DCAF12: variants seen among roughly 807,000 people sequenced by gnomAD.
DCAF12 encodes DDB1- and CUL4-associated factor 12.
Under a neutral mutation model 52.8 loss-of-function variants are expected in DCAF12, and 28 were observed. The observed-to-expected ratio is 0.53, with a 90% confidence interval of 0.39 to 0.73. DCAF12 has a LOEUF of 0.73. Ranked by LOEUF, DCAF12 falls within the 30% of genes least tolerant of loss-of-function variation. DCAF12 has a pLI of 0.00. For synonymous variants in DCAF12, 196 were observed against 215.5 expected, an observed-to-expected ratio of 0.91 and a Z score of 0.79; for missense variants, 425 against 552.2, an observed-to-expected ratio of 0.77 and a Z score of 2.31.
At chr9:34,089,647 T>TG in intron 7 of DCAF12, 57 bp from the exon 8 acceptor site, 1 of 1,508,368 alleles carries the variant, frequency 6.6e-7, no homozygotes, top group Non-Finnish European at 8.9e-7. Flanking sequence ...GCTGACTGTC[T>TG]GCTAGCCTGA....
At chr9:34,097,256 C>CTTTTT (rs999860045) in intron 5 of DCAF12, among the ~76,000 whole-genome samples, 27 of 94,844 alleles carry the variant, frequency 2.8e-4, no homozygotes, top group African/African-American at 3.8e-4. Flanking sequence ...TCTGACACTG[C>CTTTTT]TTTTTTTTTT....
chr9:34,112,929 C>T (rs952417624), intron 2 of DCAF12, among the ~76,000 whole-genome samples: 20 of 152,086 alleles, frequency 1.3e-4, no homozygotes, highest in African/African-American at 4.1e-4. Flanking sequence ...ACAAATGATC[C>T]CTAACCAGAT....
chr9:34,098,549 G>A (rs1214790621), intron 4 of DCAF12, 32 bp from the exon 5 acceptor site: 17 of 1,596,268 alleles, frequency 1.1e-5, no homozygotes, highest in Non-Finnish European at 1.5e-5. Context: ...GATGTCAGAT[G>A]TACCCACCCC....
Position 34,088,211 on chromosome 9 carries a change from A to T in DCAF12, c.*139T>A. ...TTTCTGTACAGAGCTTCTTCCTATT[A>T]AGTGCCTAAACTATAGGCAAACTTT... On this transcript the variant is annotated 3_prime_UTR_variant, in exon 9 of 9. Transcript: ENST00000361264. 1.2e-6 allele frequency: 1 copy of T among 852,928 alleles called. No homozygotes were observed. The highest frequency in any genetic ancestry group is 1.7e-6 in the Non-Finnish European group (1 of 578,894). The allele number at this position is 852,928 out of a possible 1,614,324, so 52.8% of individuals were successfully genotyped here. A position where few individuals can be genotyped will look rare whatever the true frequency, so the allele number is the denominator to read the frequency against.
At chr9:34,118,624 A>G (rs745616853) in intron 2 of DCAF12, among the ~76,000 whole-genome samples, 4 of 152,270 alleles carry the variant, frequency 2.6e-5, no homozygotes, top group Non-Finnish European at 5.9e-5. Flanking sequence ...GACGGTAATT[A>G]CGTATCTGGT....
chr9:34,113,427 G>A (rs567010820), intron 2 of DCAF12, among the ~76,000 whole-genome samples: 1 of 151,828 alleles, frequency 6.6e-6, no homozygotes, highest in East Asian at 2.0e-4. Context: ...CGTGATCTTG[G>A]CTCCCGGGTT....
chr9:34,126,154 C>T (rs1407450544), intron 1 of DCAF12, among the ~76,000 whole-genome samples, 200 bp downstream of exon 1: 5 of 152,202 alleles, frequency 3.3e-5, no homozygotes, highest in African/African-American at 1.2e-4. Flanking sequence ...CCTGAGTTCC[C>T]CTTTGGCTCC....
In DCAF12 at chr9:34,088,063, ATG is replaced by A. The variant is rs146758921; in HGVS notation, c.*285_*286del. On this transcript the variant is annotated 3_prime_UTR_variant, in exon 9 of 9. Transcript: ENST00000361264. The stretch of plus-strand genomic sequence containing the variant: ...GCCTGAAGAAGCCAGAGACAGGAGA[ATG>A]TGTGTCACTTAAAGAAAAATAGGGA... The A allele has an allele frequency of 5.2e-3, 1,183 of 226,712 alleles. 6 individuals carry two copies. The highest frequency in any genetic ancestry group is 0.014 in the Middle Eastern group (9 of 626). The allele number at this position is 226,712 out of a possible 1,614,324, so 14.0% of individuals were successfully genotyped here.
intron 2 of DCAF12, among the ~76,000 whole-genome samples, chr9:34,117,012 G>A (rs893507634): frequency 6.6e-6 from 1 of 152,162 alleles, no homozygotes; most frequent in African/African-American, 2.4e-5. Flanking sequence ...ACGTGTCTGC[G>A]CTATGCCAAG....
At chr9:34,106,640 C>A (rs981706358) in intron 3 of DCAF12, 146 bp from the exon 4 acceptor site, 2 of 626,736 alleles carry the variant, frequency 3.2e-6, no homozygotes, top group African/African-American at 1.8e-5. Context: ...TGGTCTCAAC[C>A]CACAGAGAAT....
intron 2 of DCAF12, among the ~76,000 whole-genome samples, chr9:34,123,580 C>T (rs572418424): frequency 6.6e-6 from 1 of 152,188 alleles, no homozygotes; most frequent in African/African-American, 2.4e-5. Flanking sequence ...CCCCTTGCCC[C>T]AAACACTAGG....
chr9:34,121,776 C>T (rs1424951432), intron 2 of DCAF12, among the ~76,000 whole-genome samples: 1 of 152,096 alleles, frequency 6.6e-6, no homozygotes, highest in East Asian at 1.9e-4. Context: ...AACCCTATCT[C>T]TACTAAAAAT....
chr9:34,109,100 T>C (rs547629311), intron 2 of DCAF12: 1 of 151,780 alleles, frequency 6.6e-6, no homozygotes, highest in African/African-American at 2.4e-5. Context: ...CAGACATGGC[T>C]ATCACAGAAC....
chr9:34,115,106 T>A (rs1829064216), intron 2 of DCAF12, among the ~76,000 whole-genome samples: 1 of 152,048 alleles, frequency 6.6e-6, no homozygotes, highest in Non-Finnish European at 1.5e-5. Context: ...CAAGACACAC[T>A]ATGTTGCAGT....
intron 2 of DCAF12, among the ~76,000 whole-genome samples, chr9:34,122,168 A>G (rs1443580248): frequency 6.6e-6 from 1 of 152,114 alleles, no homozygotes; most frequent in Non-Finnish European, 1.5e-5. Context: ...GACAAAAACT[A>G]AGAACGACTT....
intron 3 of DCAF12, among the ~76,000 whole-genome samples, chr9:34,107,080 TAGAA>T (rs756176925): frequency 1.5e-4 from 23 of 152,194 alleles, no homozygotes; most frequent in Non-Finnish European, 2.9e-4. Context: ...CGCCTAGCCA[TAGAA>T]GACTCAATAA....
At chr9:34,099,634 C>T (rs1364989171) in intron 4 of DCAF12, among the ~76,000 whole-genome samples, 1 of 151,790 alleles carries the variant, frequency 6.6e-6, no homozygotes, top group Non-Finnish European at 1.5e-5. Flanking sequence ...CTCTGTGTTA[C>T]CCAGGCTGGA....
Position 34,100,620 on chromosome 9 carries a change from G to A in DCAF12, c.602-2103C>T, listed in dbSNP as rs140339092. Among the ~76,000 whole-genome samples, 1,046 of 151,098 alleles carry A rather than the reference G, an allele frequency of 6.9e-3. 14 individuals are homozygous for A. Among genetic ancestry groups the A allele is most frequent in the African/African-American group, 0.024 (982 of 41,148 alleles). On this transcript the variant is annotated intron_variant, in intron 4 of 8. Transcript: ENST00000361264. ...AGTGATCCTCTCACCTCAGCCTCCT[G>A]AGTAGCTGTGACTACAGGCACACCC...
chr9:34,123,045 A>C (rs1352287631), intron 2 of DCAF12, among the ~76,000 whole-genome samples: 1 of 152,226 alleles, frequency 6.6e-6, no homozygotes, highest in East Asian at 1.9e-4. Context: ...CAGTTGAGTA[A>C]AAATATGACT....
Sources: allele counts gnomAD v4.1 joint callset (sites outside exome capture counted in the v4.1 genomes callset), GRCh38; gene constraint gnomAD v4.1.1; transcripts MANE v1.5; gene names NCBI Gene and HGNC (gene_info 2026-07-23, HGNC 2026-07-21).